Variants in SUZ12 observed in about 807,000 individuals in gnomAD.
SUZ12 encodes polycomb protein SUZ12.
Under a neutral mutation model 87.3 loss-of-function variants are expected in SUZ12, and 17 were observed. The observed-to-expected ratio is 0.19, with a 90% CI of 0.13 to 0.29. The LOEUF is 0.29. Among genes scored for constraint, SUZ12 ranks in the 10% least tolerant of loss-of-function variants. The probability of loss-of-function intolerance (pLI) is 1.00; values close to 1 mark genes in which losing one functional copy is unlikely to be tolerated. For synonymous variants in SUZ12, 253 were observed against 312.4 expected (o/e 0.81, Z 2.01); for missense variants, 526 against 912.2 (o/e 0.58, Z 5.45).
At chr17:31,981,494 A>G (rs538701104) in intron 8 of SUZ12, among the ~76,000 whole-genome samples, 2 of 152,360 alleles carry the variant, frequency 1.3e-5, no homozygotes, top group African/African-American at 4.8e-5. Context: ...ATTGGATTGT[A>G]GGTATCAAAT....
intron 3 of SUZ12, among the ~76,000 whole-genome samples, chr17:31,941,568 GA>G: frequency 1.7e-5 from 2 of 118,700 alleles, no homozygotes; most frequent in African/African-American, 6.6e-5. Flanking sequence ...TTTTTTTTTT[GA>G]AACGGAGTCT....
intron 7 of SUZ12, among the ~76,000 whole-genome samples, 192 bp downstream of exon 7, chr17:31,975,905 C>T (rs4037419): frequency 6.6e-6 from 1 of 152,148 alleles, no homozygotes. Flanking sequence ...TAGTGAACAC[C>T]TATCTACTTA....
intron 8 of SUZ12, among the ~76,000 whole-genome samples, chr17:31,978,717 T>C (rs754857191): frequency 1.2e-3 from 176 of 151,312 alleles, no homozygotes; most frequent in African/African-American, 3.3e-3. Flanking sequence ...ACCTGACACA[T>C]ATGTTTACAC....
intron 10 of SUZ12, among the ~76,000 whole-genome samples, chr17:31,990,233 A>G (rs1400999113): frequency 1.4e-5 from 2 of 145,720 alleles, no homozygotes; most frequent in South Asian, 2.2e-4. Context: ...TCGGCCTCCC[A>G]AAGTGCTGAG....
rs1290286313 is a variant in SUZ12, at chr17:31,937,137, T to TC, written c.-104dup. 7 of 947,810 alleles carry TC rather than the reference T, an allele frequency of 7.4e-6. No homozygotes were observed. Among genetic ancestry groups the TC allele is most frequent in the Admixed American group, 4.3e-5 (1 of 23,458 alleles). The allele number at this position is 947,810 out of a possible 1,614,324, so 58.7% of individuals were successfully genotyped here. A position where few individuals can be genotyped will look rare whatever the true frequency, so the allele number is the denominator to read the frequency against. ...CCCCTCTCCTCCCCTCTCTCCTCCT[T>TC]CCCCCCTCGGTCCGCCGGAGCCTGC... On this transcript the variant is annotated 5_prime_UTR_variant, in exon 1 of 16. Coordinates refer to ENST00000322652, the MANE Select transcript of SUZ12 (RefSeq NM_015355.4).
chr17:31,983,539 C>A (rs1032508398), intron 9 of SUZ12, among the ~76,000 whole-genome samples: 23 of 152,030 alleles, frequency 1.5e-4, no homozygotes, highest in African/African-American at 5.6e-4. Flanking sequence ...CTTGGCCTCC[C>A]AAAGCGCTGG....
chr17:31,983,392 C>A (rs532339423), intron 9 of SUZ12, among the ~76,000 whole-genome samples: 1 of 151,316 alleles, frequency 6.6e-6, no homozygotes, highest in South Asian at 2.1e-4. Context: ...TCTCCTGTCT[C>A]AGCCTCCCAA....
intron 14 of SUZ12, among the ~76,000 whole-genome samples, chr17:31,996,422 C>A (rs907263761): frequency 2.0e-5 from 3 of 152,120 alleles, no homozygotes; most frequent in African/African-American, 7.2e-5. Context: ...TGAGACCAGC[C>A]TGGCCAACAT....
At chr17:31,962,341 A>C (rs1363269073) in intron 4 of SUZ12, among the ~76,000 whole-genome samples, 1 of 152,230 alleles carries the variant, frequency 6.6e-6, no homozygotes, top group Non-Finnish European at 1.5e-5. Flanking sequence ...CTGTAATCCC[A>C]GCACTTTGGG....
At chr17:31,948,802 C>T (rs1906782348) in intron 4 of SUZ12, among the ~76,000 whole-genome samples, 1 of 152,102 alleles carries the variant, frequency 6.6e-6, no homozygotes, top group Admixed American at 6.6e-5. Context: ...AGCTGAGATC[C>T]TGAATTGTTA....
At chr17:31,946,915 G>T (rs1293621431) in intron 3 of SUZ12, among the ~76,000 whole-genome samples, 1 of 152,054 alleles carries the variant, frequency 6.6e-6, no homozygotes, top group Non-Finnish European at 1.5e-5. Context: ...GTTTTATTAC[G>T]ATTTGATGGA....
intron 14 of SUZ12, among the ~76,000 whole-genome samples, chr17:31,996,224 A>G (rs909558773): frequency 6.6e-6 from 1 of 152,190 alleles, no homozygotes; most frequent in African/African-American, 2.4e-5. Flanking sequence ...CAAACAAAAA[A>G]GTTACCAAGT....
At chr17:31,995,494 A>T in intron 13 of SUZ12, 70 bp from the exon 14 acceptor site, 1 of 1,279,080 alleles carries the variant, frequency 7.8e-7, no homozygotes. Context: ...CACAGATCTC[A>T]ACTCCTAGTC....
chr17:31,960,577 ATTTATTAT>A (rs1907645857), intron 4 of SUZ12, among the ~76,000 whole-genome samples: 1 of 121,032 alleles, frequency 8.3e-6, no homozygotes, highest in South Asian at 2.9e-4. Context: ...TGTCACCTTT[ATTTATTAT>A]TTATTTATTT....
chr17:31,990,390 T>A (rs1013351184), intron 10 of SUZ12, among the ~76,000 whole-genome samples: 1 of 149,000 alleles, frequency 6.7e-6, no homozygotes, highest in Non-Finnish European at 1.5e-5. Context: ...GAATTACAGG[T>A]GTGAGCCACC....
At chr17:31,956,285 C>T (rs1370540341) in intron 4 of SUZ12, among the ~76,000 whole-genome samples, 1 of 152,026 alleles carries the variant, frequency 6.6e-6, no homozygotes, top group Non-Finnish European at 1.5e-5. Flanking sequence ...CCTCCGCCTC[C>T]TGGGTTCAAG....
chr17:31,989,104 A>C (rs922635082), intron 10 of SUZ12, among the ~76,000 whole-genome samples: 4 of 151,892 alleles, frequency 2.6e-5, no homozygotes, highest in Admixed American at 6.6e-5. Flanking sequence ...TAAATTAAAA[A>C]AGTAGAGACG....
At chr17:31,962,792 G>A (rs147142601) in intron 4 of SUZ12, among the ~76,000 whole-genome samples, 72 of 152,356 alleles carry the variant, frequency 4.7e-4, no homozygotes, top group African/African-American at 1.5e-3. Context: ...AAAAGATTTG[G>A]TAGGTGGGGT....
chr17:31,986,544 T>TTTTTGTTTTG (rs370809527), intron 9 of SUZ12, among the ~76,000 whole-genome samples: 21,969 of 150,578 alleles, frequency 0.15, 1,731 homozygotes, highest in African/African-American at 0.19. Context: ...TCTAAGTAGT[T>TTTTTGTTTTG]TTTTGTTTTG....
Sources: allele counts gnomAD v4.1 joint callset (sites outside exome capture counted in the v4.1 genomes callset), GRCh38; gene constraint gnomAD v4.1.1; transcripts MANE v1.5; gene names NCBI Gene and HGNC (gene_info 2026-07-23, HGNC 2026-07-21).